Variants in GPC6 observed in about 807,000 individuals in gnomAD.
The protein encoded by GPC6 is glypican 6.
GPC6 carries 14 observed loss-of-function variants against 55.2 expected under a neutral mutation model. That is an observed-to-expected ratio of 0.25 (90% CI 0.17 to 0.40). The LOEUF (loss-of-function observed/expected upper bound fraction) is 0.40. Among genes scored for constraint, GPC6 ranks in the 10% least tolerant of loss-of-function variants. GPC6 has a pLI of 1.00. For missense variants in GPC6, 641 were observed against 708.5 expected (o/e 0.90, Z 1.08); for synonymous variants, 278 against 259.6 (o/e 1.07, Z -0.68).
intron 4 of GPC6, among the ~76,000 whole-genome samples, chr13:94,203,914 T>C (rs1566539766): frequency 6.6e-6 from 1 of 152,122 alleles, no homozygotes; most frequent in African/African-American, 2.4e-5. Context: ...TTATAGTTTT[T>C]CTGTCACTGG....
intron 4 of GPC6, among the ~76,000 whole-genome samples, chr13:94,106,484 C>G (rs549231214): frequency 6.6e-6 from 1 of 151,974 alleles, no homozygotes; most frequent in South Asian, 2.1e-4. Flanking sequence ...ATCAAAGAGA[C>G]TTGACCCTGT....
At chr13:93,603,513 T>C (rs986195420) in intron 2 of GPC6, among the ~76,000 whole-genome samples, 1 of 152,216 alleles carries the variant, frequency 6.6e-6, no homozygotes, top group African/African-American at 2.4e-5. Context: ...ACATAGGTAT[T>C]ATTGTCCCCA....
chr13:94,056,643 A>G (rs1443052995), intron 4 of GPC6, among the ~76,000 whole-genome samples: 1 of 152,202 alleles, frequency 6.6e-6, no homozygotes, highest in Non-Finnish European at 1.5e-5. Context: ...GTTAAGATAC[A>G]CAAATCTCTT....
chr13:94,018,522 C>T (rs1402514319), intron 3 of GPC6, among the ~76,000 whole-genome samples: 2 of 152,166 alleles, frequency 1.3e-5, no homozygotes, highest in Non-Finnish European at 2.9e-5. Flanking sequence ...AACTCCTGAC[C>T]TCAGGTGATC....
chr13:93,270,720 C>CA (rs35973627), intron 1 of GPC6, among the ~76,000 whole-genome samples: 35,861 of 127,692 alleles, frequency 0.28, 4,981 homozygotes, highest in African/African-American at 0.38. Flanking sequence ...TTATTTTCCT[C>CA]AAAAAAAAAA....
intron 3 of GPC6, among the ~76,000 whole-genome samples, chr13:93,878,842 CT>C (rs1874770202): frequency 6.6e-6 from 1 of 152,086 alleles, no homozygotes; most frequent in Non-Finnish European, 1.5e-5. Context: ...ATAAATTACC[CT>C]GTTGGCAGTA....
intron 4 of GPC6, among the ~76,000 whole-genome samples, chr13:94,072,284 A>C (rs375863712): frequency 6.6e-6 from 1 of 152,138 alleles, no homozygotes; most frequent in South Asian, 2.1e-4. Context: ...ATGTTTCAAA[A>C]CATAACGTCT....
At chr13:94,075,699 G>A (rs1160196556) in intron 4 of GPC6, among the ~76,000 whole-genome samples, 1 of 152,064 alleles carries the variant, frequency 6.6e-6, no homozygotes, top group Non-Finnish European at 1.5e-5. Context: ...CCTATAAGTG[G>A]AATGATGCAA....
chr13:93,879,339 C>T (rs911609939), intron 3 of GPC6, among the ~76,000 whole-genome samples: 5 of 152,124 alleles, frequency 3.3e-5, no homozygotes, highest in Non-Finnish European at 5.9e-5. Context: ...GTAACCAAAA[C>T]AGCATGGTAC....
intron 7 of GPC6, among the ~76,000 whole-genome samples, chr13:94,392,520 C>T (rs1880697158): frequency 6.6e-6 from 1 of 150,532 alleles, no homozygotes; most frequent in South Asian, 2.1e-4. Flanking sequence ...ACCTCCGCAT[C>T]CCAGGTTCAA....
At chr13:93,527,821 G>C (rs755432953) in intron 1 of GPC6, among the ~76,000 whole-genome samples, 6 of 152,220 alleles carry the variant, frequency 3.9e-5, no homozygotes, top group Non-Finnish European at 7.4e-5. Flanking sequence ...ATTAATGGCT[G>C]TGTGAGTTAT....
At chr13:94,020,385 A>C (rs1882651296) in intron 3 of GPC6, among the ~76,000 whole-genome samples, 1 of 152,178 alleles carries the variant, frequency 6.6e-6, no homozygotes, top group Admixed American at 6.5e-5. Flanking sequence ...TAAGACTTGA[A>C]ATTTAGTAAT....
rs540979549 is a variant in GPC6 at position 93,734,997 on chromosome 13, A to G, written c.320-95157A>G. On this transcript the variant is annotated intron_variant, in intron 2 of 8. Coordinates refer to ENST00000377047, the MANE Select transcript of GPC6 (RefSeq NM_005708.5). ...AGTAGACCTTAAATCTTACCTTATA[A>G]CTTAAGATTAATATATAGCCTCTTA... Among the ~76,000 whole-genome samples the G allele has an allele frequency of 4.6e-5, 7 of 152,254 alleles. 1 individual carries two copies. The South Asian group carries it at 1.0e-3, about 23-fold the overall frequency.
At chr13:94,155,622 C>T (rs1204165084) in intron 4 of GPC6, among the ~76,000 whole-genome samples, 1 of 152,150 alleles carries the variant, frequency 6.6e-6, no homozygotes, top group East Asian at 1.9e-4. Flanking sequence ...GGCAGCAATA[C>T]AGGTCAGACC....
chr13:93,397,204 T>A (rs998640088), intron 1 of GPC6, among the ~76,000 whole-genome samples: 2 of 152,222 alleles, frequency 1.3e-5, no homozygotes, highest in African/African-American at 4.8e-5. Context: ...GAGGTATAAT[T>A]CACATCCTGT....
At chr13:93,294,081 T>TA (rs112526676) in intron 1 of GPC6, among the ~76,000 whole-genome samples, 2 of 152,328 alleles carry the variant, frequency 1.3e-5, no homozygotes, top group African/African-American at 4.8e-5. Context: ...GCTCAATAAA[T>TA]GGGTATTTGT....
At chr13:94,038,767 G>T (rs970502395) in intron 4 of GPC6, among the ~76,000 whole-genome samples, 3 of 151,898 alleles carry the variant, frequency 2.0e-5, no homozygotes, top group Non-Finnish European at 4.4e-5. Flanking sequence ...GTGAAGGTAT[G>T]AACAGAAAGT....
intron 6 of GPC6, among the ~76,000 whole-genome samples, chr13:94,380,355 A>G (rs1032276363): frequency 6.6e-6 from 1 of 152,154 alleles, no homozygotes; most frequent in Admixed American, 6.5e-5. Context: ...GCACGCCTTT[A>G]ATGGAGGTTA....
intron 1 of GPC6, among the ~76,000 whole-genome samples, chr13:93,424,503 C>T (rs894772709): frequency 6.6e-6 from 1 of 152,110 alleles, no homozygotes; most frequent in Non-Finnish European, 1.5e-5. Context: ...CACCACCACA[C>T]CTACTACGCA....
Sources: gnomAD v4.1 joint callset for allele counts (sites outside exome capture counted in the v4.1 genomes callset) on GRCh38, gnomAD v4.1.1 for gene constraint, MANE v1.5 for transcripts, NCBI Gene and HGNC (gene_info 2026-07-23, HGNC 2026-07-21) for gene names.